The following PARD3 variants were observed in gnomAD, a reference collection of about 807,000 sequenced individuals.
PARD3 encodes the protein par-3 family cell polarity regulator, also known as partitioning defective 3 homolog.
Under a neutral mutation model 155.4 loss-of-function variants are expected in PARD3, and 75 were observed. The ratio of observed to expected loss-of-function variants is 0.48; its 90% CI spans 0.40 to 0.58. The LOEUF is 0.58. Ranked by LOEUF, PARD3 falls within the 20% of genes least tolerant of loss-of-function variation. PARD3 has a pLI of 0.00. For synonymous variants in PARD3, 576 were observed against 610.5 expected, an observed-to-expected ratio of 0.94 and a Z score of 0.83; for missense variants, 1,642 against 1,721.7, an observed-to-expected ratio of 0.95 and a Z score of 0.82.
At chr10:34,779,602 C>T (rs1564612100) in intron 1 of PARD3, among the ~76,000 whole-genome samples, 1 of 152,134 alleles carries the variant, frequency 6.6e-6, no homozygotes, top group Non-Finnish European at 1.5e-5. Context: ...GCCTGGGCGA[C>T]ACAGCGTGAC....
intron 3 of PARD3, among the ~76,000 whole-genome samples, chr10:34,492,750 G>A (rs112767835): frequency 0.012 from 1,776 of 152,196 alleles, 31 homozygotes; most frequent in African/African-American, 0.038. Flanking sequence ...ACTTTCACAC[G>A]ATATGTCACT....
chr10:34,726,655 G>GGAGGCT (rs1387408582), intron 1 of PARD3, among the ~76,000 whole-genome samples: 19 of 152,184 alleles, frequency 1.2e-4, no homozygotes, highest in African/African-American at 4.6e-4. Flanking sequence ...CAGCTACTCA[G>GGAGGCT]GAGGCTGAGG....
At chr10:34,519,820 A>AATAAC (rs59584708) in intron 2 of PARD3, among the ~76,000 whole-genome samples, 38,917 of 133,636 alleles carry the variant, frequency 0.29, 5,943 homozygotes, top group South Asian at 0.32. Flanking sequence ...TCTCAAAATA[A>AATAAC]ATAACATAAC....
At chr10:34,523,363 T>C (rs1030841) in intron 2 of PARD3, among the ~76,000 whole-genome samples, 9,686 of 152,262 alleles carry the variant, frequency 0.064, 932 homozygotes, top group African/African-American at 0.21. Context: ...GAAAGTCAAT[T>C]ATGATGGGTG....
At chr10:34,505,169 G>T (rs1429672107) in intron 3 of PARD3, among the ~76,000 whole-genome samples, 2 of 152,150 alleles carry the variant, frequency 1.3e-5, no homozygotes, top group African/African-American at 4.8e-5. Flanking sequence ...TTCTTGCTTT[G>T]ATTTAAACAG....
chr10:34,306,450 G>C (rs951943666), intron 20 of PARD3, among the ~76,000 whole-genome samples: 1 of 151,974 alleles, frequency 6.6e-6, no homozygotes, highest in African/African-American at 2.4e-5. Context: ...AGGAGTTTGA[G>C]ACCAGCCTGA....
At chr10:34,352,204 T>A (rs1838163336) in intron 14 of PARD3, among the ~76,000 whole-genome samples, 1 of 152,238 alleles carries the variant, frequency 6.6e-6, no homozygotes, top group Non-Finnish European at 1.5e-5. Flanking sequence ...AAACTCAGCA[T>A]AATTCTCATA....
At chr10:34,546,976 T>A (rs1400864717) in intron 2 of PARD3, among the ~76,000 whole-genome samples, 1 of 152,210 alleles carries the variant, frequency 6.6e-6, no homozygotes, top group East Asian at 1.9e-4. Context: ...ACAAAAGCAA[T>A]ACTTCTTAAA....
chr10:34,768,592 C>T (rs1838428124), intron 1 of PARD3, among the ~76,000 whole-genome samples: 1 of 152,246 alleles, frequency 6.6e-6, no homozygotes, highest in Non-Finnish European at 1.5e-5. Context: ...TTGCCCTGAG[C>T]AGTTCCCAGC....
chr10:34,666,038 C>A (rs2093461630), intron 2 of PARD3, among the ~76,000 whole-genome samples: 3 of 151,682 alleles, frequency 2.0e-5, no homozygotes, highest in South Asian at 4.2e-4. Context: ...CCAAGTGAGA[C>A]CCTGACTCTA....
Position 34,111,027 on chromosome 10 carries a change from G to T in PARD3, c.*142C>A, listed in dbSNP as rs944726361. On this transcript the variant is annotated 3_prime_UTR_variant, in exon 25 of 25. Coordinates refer to ENST00000374788, the MANE Select transcript of PARD3 (RefSeq NM_001184785.2). ...AGACATTAAGGCCTTCCATTTCTTT[G>T]CCTACACCGCTTAAAGGCACTGATA... 9 of 854,612 alleles carry T rather than the reference G, an allele frequency of 1.1e-5. No individual in the cohort carries two copies. In the African/African-American group the frequency reaches 1.3e-4, roughly 13 times the overall value. 52.9% of individuals were successfully genotyped at this position (854,612 alleles called of 1,614,324 possible).
intron 4 of PARD3, among the ~76,000 whole-genome samples, chr10:34,451,999 G>C (rs1452342691): frequency 6.6e-6 from 1 of 152,062 alleles, no homozygotes; most frequent in Non-Finnish European, 1.5e-5. Flanking sequence ...AAGAAATTCA[G>C]ATAAGTCATA....
At chr10:34,487,788 T>C (rs1234972499) in intron 3 of PARD3, among the ~76,000 whole-genome samples, 2 of 152,232 alleles carry the variant, frequency 1.3e-5, no homozygotes, top group Admixed American at 1.3e-4. Flanking sequence ...CTCATATCAC[T>C]TTCATTTTAC....
intron 2 of PARD3, among the ~76,000 whole-genome samples, chr10:34,612,773 G>A (rs1418436719): frequency 6.6e-6 from 1 of 152,212 alleles, no homozygotes; most frequent in African/African-American, 2.4e-5. Context: ...TAGCAATGCT[G>A]CAAGATGGAT....
chr10:34,651,868 C>CA (rs1201138015), intron 2 of PARD3, among the ~76,000 whole-genome samples: 2 of 152,158 alleles, frequency 1.3e-5, no homozygotes, highest in Non-Finnish European at 2.9e-5. Flanking sequence ...CCAGTTGTAC[C>CA]ATACAATCAC....
rs552468933 is a variant in PARD3 at position 34,530,675 on chromosome 10, T to C, written c.223-13516A>G. Among the ~76,000 whole-genome samples, 65 of 152,338 alleles carry C rather than the reference T, an allele frequency of 4.3e-4. 1 individual carries two copies. The highest frequency in any genetic ancestry group is 1.5e-3 in the African/African-American group (61 of 41,574). ...AGTTGTCTCCAGCAAGAATTTGTTA[T>C]TTGGGATTTACTGGCTTTCACGATA... On this transcript the variant is annotated intron_variant, in intron 2 of 24. Transcript: ENST00000374788.
intron 1 of PARD3, among the ~76,000 whole-genome samples, chr10:34,783,363 C>T (rs1023267781): frequency 2.0e-5 from 3 of 151,300 alleles, no homozygotes; most frequent in Non-Finnish European, 3.0e-5. Context: ...CCAGCACTTT[C>T]GGAGGCCGAG....
intron 5 of PARD3, among the ~76,000 whole-genome samples, chr10:34,403,610 C>T (rs1312694911): frequency 6.6e-6 from 1 of 152,152 alleles, no homozygotes; most frequent in Admixed American, 6.6e-5. Flanking sequence ...GTGCTCTGTG[C>T]TTTGTGGATG....
rs545607303 is a variant in PARD3, at chr10:34,372,139, C to T, written c.1707+359G>A. Among the ~76,000 whole-genome samples, 123 of 151,982 alleles carry T rather than the reference C, an allele frequency of 8.1e-4. 1 individual carries two copies. Among genetic ancestry groups the T allele is most frequent in the Non-Finnish European group, 1.5e-3 (100 of 67,928 alleles). ...CCTCCCTTTTTTTCCATGATTGAATCAAGTTTTTTAACTTTTCTTTCCATT... is the reference window on the plus strand; with the variant it reads ...CCTCCCTTTTTTTCCATGATTGAATTAAGTTTTTTAACTTTTCTTTCCATT... On this transcript the variant is annotated intron_variant, in intron 12 of 24. Coordinates refer to ENST00000374788, the MANE Select transcript of PARD3 (RefSeq NM_001184785.2).
Sources: allele counts gnomAD v4.1 joint callset (sites outside exome capture counted in the v4.1 genomes callset), GRCh38; gene constraint gnomAD v4.1.1; transcripts MANE v1.5; gene names NCBI Gene and HGNC (gene_info 2026-07-23, HGNC 2026-07-21).